FOXP1: variants seen among roughly 807,000 people sequenced by gnomAD.
FOXP1 encodes forkhead box P1, also known as forkhead box protein P1.
FOXP1 carries 15 observed loss-of-function variants against 98.2 expected under a neutral mutation model. That is an observed-to-expected ratio of 0.15 (90% CI 0.10 to 0.24). FOXP1 has a LOEUF of 0.24. Among genes scored for constraint, FOXP1 ranks in the 10% least tolerant of loss-of-function variants. The pLI, the probability that FOXP1 is intolerant of heterozygous loss-of-function variation, is 1.00. For missense variants in FOXP1, 633 were observed against 848.5 expected (o/e 0.75, Z 3.15); for synonymous variants, 371 against 314.5 (o/e 1.18, Z -1.90).
chr3:71,039,322 TA>T (rs1227738954), intron 11 of FOXP1, among the ~76,000 whole-genome samples: 4 of 151,624 alleles, frequency 2.6e-5, no homozygotes, highest in Admixed American at 6.6e-5. Context: ...ATAAGGACCA[TA>T]AAAAAAAATT....
chr3:71,580,847 T>C, intron 2 of FOXP1: 6 of 985,384 alleles, frequency 6.1e-6, no homozygotes, highest in Non-Finnish European at 7.2e-6. Flanking sequence ...GGTTTGAATG[T>C]ACAGATGCCT....
rs2066428978 is a variant in FOXP1, at chr3:71,232,887, A to AAAAAAAAAAAAAAAAAAAAAAAAC, written c.-11-34496_-11-34495insGTTTTTTTTTTTTTTTTTTTTTTT. Among the ~76,000 whole-genome samples the AAAAAAAAAAAAAAAAAAAAAAAAC allele has an allele frequency of 2.1e-5, 3 of 146,274 alleles. 1 individual carries two copies. Among genetic ancestry groups the AAAAAAAAAAAAAAAAAAAAAAAAC allele is most frequent in the Non-Finnish European group, 3.0e-5 (2 of 66,496 alleles). On this transcript the variant is annotated intron_variant, in intron 5 of 20. Transcript: ENST00000649528. The stretch of plus-strand genomic sequence containing the variant: ...AGCAAAACTCTGTCTCAAAAAAAAA[A>AAAAAAAAAAAAAAAAAAAAAAAAC]AAAAAAAAAGCAAGAAAAATGGGGA...
At chr3:71,256,421 T>C (rs1426852041) in intron 5 of FOXP1, among the ~76,000 whole-genome samples, 2 of 152,198 alleles carry the variant, frequency 1.3e-5, no homozygotes, top group African/African-American at 4.8e-5. Flanking sequence ...TCTCACTCTG[T>C]TGCCCAGGCT....
chr3:70,971,149 T>C (rs2036149318), intron 18 of FOXP1: 2 of 344,614 alleles, frequency 5.8e-6, no homozygotes, highest in Admixed American at 8.1e-5. Flanking sequence ...GAGGTCGTGC[T>C]GGGGAAGGCA....
intron 5 of FOXP1, among the ~76,000 whole-genome samples, chr3:71,287,510 T>C (rs1189407252): frequency 1.3e-5 from 2 of 151,950 alleles, no homozygotes; most frequent in Non-Finnish European, 2.9e-5. Context: ...CCAAGCGCTG[T>C]GGCTCACGCC....
chr3:71,516,444 T>G (rs980452236), intron 2 of FOXP1, among the ~76,000 whole-genome samples: 1 of 152,220 alleles, frequency 6.6e-6, no homozygotes, highest in Admixed American at 6.5e-5. Context: ...AAGTTTGCAA[T>G]TATACCAAAA....
At chr3:71,565,264 C>G (rs559502624) in intron 2 of FOXP1, among the ~76,000 whole-genome samples, 71 of 152,236 alleles carry the variant, frequency 4.7e-4, no homozygotes, top group African/African-American at 1.5e-3. Flanking sequence ...CACATTAACC[C>G]ACGGGCAGGC....
At chr3:71,034,735 T>C (rs1190673057) in intron 11 of FOXP1, among the ~76,000 whole-genome samples, 4 of 152,098 alleles carry the variant, frequency 2.6e-5, no homozygotes, top group African/African-American at 9.7e-5. Context: ...TTTGTGTCTC[T>C]TGCCTGTGAT....
chr3:71,006,092 T>G (rs62257222), intron 12 of FOXP1, among the ~76,000 whole-genome samples: 3 of 152,046 alleles, frequency 2.0e-5, no homozygotes, highest in South Asian at 2.1e-4. Context: ...GAGTTGAAAT[T>G]TGAAGCAAGG....
Position 71,147,034 on chromosome 3 carries a change from A to G in FOXP1, c.181-34397T>C, listed in dbSNP as rs558316182. ...CCTCGTGCTCCAAGTTCAAACTAGCATTTACTCTGGATGCCTAAATTACCT... is the reference window on the plus strand; with the variant it reads ...CCTCGTGCTCCAAGTTCAAACTAGCGTTTACTCTGGATGCCTAAATTACCT... On this transcript the variant is annotated intron_variant, in intron 6 of 20. Coordinates refer to ENST00000649528, the MANE Select transcript of FOXP1 (RefSeq NM_001349338.3). 2.5e-3 allele frequency among the ~76,000 whole-genome samples: 378 copies of G among 152,314 alleles called. 1 individual carries two copies. Among genetic ancestry groups the G allele is most frequent in the African/African-American group, 8.2e-3 (340 of 41,574 alleles).
chr3:71,468,927 G>T lies in FOXP1; in HGVS notation c.-168+24499C>A, dbSNP rs183480202. 5.3e-4 allele frequency among the ~76,000 whole-genome samples: 81 copies of T among 152,298 alleles called. 1 individual carries two copies. Among genetic ancestry groups the T allele is most frequent in the Middle Eastern group, 3.4e-3 (1 of 294 alleles). On this transcript the variant is annotated intron_variant, in intron 3 of 20. Coordinates refer to ENST00000649528, the MANE Select transcript of FOXP1 (RefSeq NM_001349338.3). ...GTGGGTGCTTGAGCAAGACACAAAA[G>T]ATATCTCAGGAGTCACTCTCCTGAA... is the stretch of plus-strand genomic sequence containing the variant.
intron 6 of FOXP1, among the ~76,000 whole-genome samples, chr3:71,114,364 T>A (rs772603228): frequency 6.6e-6 from 1 of 152,238 alleles, no homozygotes; most frequent in Admixed American, 6.5e-5. Flanking sequence ...TTAATGTTCA[T>A]GAGCAGACAC....
At chr3:71,077,409 GCTAAAGAC>G (rs2053913264) in intron 7 of FOXP1, among the ~76,000 whole-genome samples, 1 of 152,196 alleles carries the variant, frequency 6.6e-6, no homozygotes, top group Admixed American at 6.5e-5. Flanking sequence ...GGGAAAGACA[GCTAAAGAC>G]CTGTTTATAG....
At chr3:71,456,738 T>C (rs1344578910) in intron 3 of FOXP1, among the ~76,000 whole-genome samples, 1 of 151,990 alleles carries the variant, frequency 6.6e-6, no homozygotes, top group Non-Finnish European at 1.5e-5. Flanking sequence ...TAGGTATTTT[T>C]ATTACTAACA....
intron 6 of FOXP1, among the ~76,000 whole-genome samples, chr3:71,178,815 C>T (rs549449164): frequency 6.6e-6 from 1 of 151,712 alleles, no homozygotes; most frequent in South Asian, 2.1e-4. Flanking sequence ...ACCTGGGAGG[C>T]GGAGCTTGCA....
intron 7 of FOXP1, among the ~76,000 whole-genome samples, chr3:71,097,779 A>G (rs922133478): frequency 2.0e-5 from 3 of 152,222 alleles, no homozygotes; most frequent in South Asian, 2.1e-4. Context: ...AGAGCTCTAC[A>G]TGGCACAGAG....
chr3:71,000,405 G>T (rs2041963407), intron 13 of FOXP1, among the ~76,000 whole-genome samples: 2 of 151,964 alleles, frequency 1.3e-5, no homozygotes, highest in Admixed American at 1.3e-4. Context: ...GTGGTGGAGA[G>T]AAAAAAGGAC....
At chr3:71,067,175 C>T (rs553775173) in intron 7 of FOXP1, among the ~76,000 whole-genome samples, 6 of 152,184 alleles carry the variant, frequency 3.9e-5, no homozygotes, top group African/African-American at 9.7e-5. Flanking sequence ...GAGCCCATCT[C>T]GCCCTGTCTC....
At chr3:71,250,682 C>T (rs569193469) in intron 5 of FOXP1, among the ~76,000 whole-genome samples, 2 of 152,194 alleles carry the variant, frequency 1.3e-5, no homozygotes, top group Non-Finnish European at 2.9e-5. Context: ...GTAATCCTAG[C>T]ACTTTTGGGA....
Sources: allele counts gnomAD v4.1 joint callset (sites outside exome capture counted in the v4.1 genomes callset), GRCh38; gene constraint gnomAD v4.1.1; transcripts MANE v1.5; gene names NCBI Gene and HGNC (gene_info 2026-07-23, HGNC 2026-07-21).